PTPDC1: variants seen among roughly 807,000 people sequenced by gnomAD.
PTPDC1 encodes the protein protein tyrosine phosphatase domain containing 1.
In PTPDC1, 53 loss-of-function variants were observed where a neutral mutation model predicts 75.3. The ratio of observed to expected loss-of-function variants is 0.70; its 90% CI spans 0.56 to 0.88. PTPDC1 has a LOEUF of 0.88. Among genes scored for constraint, PTPDC1 ranks in the 40% least tolerant of loss-of-function variants. The pLI is 0.00. For synonymous variants in PTPDC1, 349 were observed against 366.2 expected, an observed-to-expected ratio of 0.95 and a Z score of 0.54; for missense variants, 925 against 998.6, an observed-to-expected ratio of 0.93 and a Z score of 0.99.
At chr9:94,102,259 A>T (rs895532782) in intron 7 of PTPDC1, among the ~76,000 whole-genome samples, 2 of 152,072 alleles carry the variant, frequency 1.3e-5, no homozygotes, top group Non-Finnish European at 2.9e-5. Context: ...ATATGCACTC[A>T]TTCGTATTTT....
chr9:94,079,380 T>A (rs769705642), intron 2 of PTPDC1, among the ~76,000 whole-genome samples: 7 of 152,210 alleles, frequency 4.6e-5, no homozygotes, highest in Non-Finnish European at 8.8e-5. Context: ...GCTGTTGGGT[T>A]CCACTAATTA....
chr9:94,102,804 C>T (rs1360353189), intron 7 of PTPDC1, among the ~76,000 whole-genome samples: 2 of 152,134 alleles, frequency 1.3e-5, no homozygotes, highest in East Asian at 3.9e-4. Context: ...TCTCAAACTC[C>T]CAACCTCATG....
At chr9:94,086,516 C>T (rs551215776) in intron 2 of PTPDC1, among the ~76,000 whole-genome samples, 1 of 152,240 alleles carries the variant, frequency 6.6e-6, no homozygotes, top group African/African-American at 2.4e-5. Context: ...GGATCCTGCC[C>T]TGACAGTCTC....
Position 94,097,599 on chromosome 9 carries a change from C to G in PTPDC1, c.1033C>G (p.Leu345Val). 6.2e-7 allele frequency: 1 copy of G among 1,613,988 alleles called. No individual in the cohort carries two copies. The highest frequency in any genetic ancestry group is 8.5e-7 in the Non-Finnish European group (1 of 1,180,032). ...LLKHVPKIIH[L>V]VCKLLLDLAE... ...GAAACACGTGCCAAAAATTATCCAC[C>G]TAGTTTGCAAATTGCTGCTGGACTT... is the stretch of plus-strand genomic sequence containing the variant. Residue 345 changes from leucine (L) to valine (V), a missense_variant, in exon 6 of 9, where the codon CTA becomes GTA. Physicochemically the swap from Leu to Val is conservative, Grantham distance 32 (BLOSUM62 1). Coordinates refer to ENST00000620992, the MANE Select transcript of PTPDC1 (RefSeq NM_001253829.2).
intron 4 of PTPDC1, among the ~76,000 whole-genome samples, chr9:94,093,579 G>A (rs997863736): frequency 4.0e-5 from 6 of 151,826 alleles, no homozygotes; most frequent in African/African-American, 4.8e-5. Context: ...TTGCCTTCTC[G>A]AGGAGTATCT....
intron 4 of PTPDC1, among the ~76,000 whole-genome samples, chr9:94,091,813 A>G (rs1187702518): frequency 6.6e-6 from 1 of 152,034 alleles, no homozygotes; most frequent in Non-Finnish European, 1.5e-5. Context: ...TAGTCTTGGG[A>G]GAGTTTATGT....
At chr9:94,030,907 C>A (rs1025953895) in exon 1 of PTPDC1, 2 of 152,200 alleles carry the variant, frequency 1.3e-5, no homozygotes, top group East Asian at 3.9e-4. Context: ...GGGCTGGGAC[C>A]CCTCTGCCTC....
At chr9:94,102,464 A>G (rs1474823647) in intron 7 of PTPDC1, among the ~76,000 whole-genome samples, 4 of 152,112 alleles carry the variant, frequency 2.6e-5, no homozygotes, top group African/African-American at 7.2e-5. Flanking sequence ...TTAGAAGACA[A>G]TGGATCTAGG....
Position 94,097,836 on chromosome 9 carries a change from G to A in PTPDC1, c.1270G>A (p.Asp424Asn). 6.2e-7 allele frequency: 1 copy of A among 1,614,158 alleles called. No individual in the cohort carries two copies. Among genetic ancestry groups the A allele is most frequent in the Non-Finnish European group, 8.5e-7 (1 of 1,180,042 alleles). ...GMIFSNEQQFDPLWKRRNVEC... is the reference protein window; with the variant it reads ...GMIFSNEQQFNPLWKRRNVEC... Reference sequence around the variant, plus strand: ...GATTTTCTCCAATGAGCAACAGTTTGACCCTCTTTGGAAAAGGCGGAATGT... The same window carrying A: ...GATTTTCTCCAATGAGCAACAGTTTAACCCTCTTTGGAAAAGGCGGAATGT... Residue 424 changes from aspartate to asparagine, a missense_variant, in exon 6 of 9, where the codon GAC becomes AAC. Asp to Asn is a conservative substitution (Grantham distance 23). Coordinates refer to ENST00000620992, the MANE Select transcript of PTPDC1 (RefSeq NM_001253829.2).
chr9:94,064,754 C>T lies in PTPDC1; in HGVS notation c.15C>T (p.Val5=), dbSNP rs750841827. The T allele has an allele frequency of 1.2e-5, 20 of 1,613,494 alleles. No homozygotes were observed. The East Asian group carries it at 4.5e-4, about 36-fold the overall frequency. ...AACAGACTACCATGGCTGCAGGAGT[C>T]TTGCCTCAGAATGAACAACCATATT... is the stretch of plus-strand genomic sequence containing the variant. The change falls in exon 2 of 10, where the codon GTC becomes GTT. Residue 5 remains valine, a synonymous_variant. Transcript: ENST00000375360.
chr9:94,057,499 T>C (rs1825980003), intron 1 of PTPDC1, among the ~76,000 whole-genome samples: 2 of 152,134 alleles, frequency 1.3e-5, no homozygotes, highest in Admixed American at 1.3e-4. Context: ...CAAAAAGATA[T>C]TGCGGATACT....
intron 1 of PTPDC1, among the ~76,000 whole-genome samples, chr9:94,048,826 T>A (rs62060601): frequency 6.6e-6 from 1 of 152,150 alleles, no homozygotes; most frequent in African/African-American, 2.4e-5. Context: ...CCCATTATTA[T>A]TGTGTGGGAG....
chr9:94,057,221 G>A (rs1202982228), intron 1 of PTPDC1, among the ~76,000 whole-genome samples: 2 of 152,100 alleles, frequency 1.3e-5, no homozygotes, highest in South Asian at 2.1e-4. Context: ...TGGGACTACA[G>A]ACATGTGCTA....
chr9:94,093,051 G>T (rs1424537322), intron 4 of PTPDC1, among the ~76,000 whole-genome samples: 6 of 152,158 alleles, frequency 3.9e-5, no homozygotes, highest in Non-Finnish European at 4.4e-5. Flanking sequence ...TTGCCAGTCT[G>T]TGTCTTTTAA....
chr9:94,087,578 G>C (rs1827120993), intron 2 of PTPDC1, among the ~76,000 whole-genome samples: 1 of 152,100 alleles, frequency 6.6e-6, no homozygotes, highest in South Asian at 2.1e-4. Flanking sequence ...ATTACATATG[G>C]GGAACAAACT....
chr9:94,072,136 T>C (rs1826530811), intron 2 of PTPDC1, among the ~76,000 whole-genome samples: 1 of 152,126 alleles, frequency 6.6e-6, no homozygotes, highest in Admixed American at 6.6e-5. Flanking sequence ...GCCTCCTGAG[T>C]AGCTGGGATT....
intron 1 of PTPDC1, among the ~76,000 whole-genome samples, chr9:94,052,299 T>A: frequency 6.6e-6 from 1 of 152,226 alleles, no homozygotes; most frequent in East Asian, 1.9e-4. Context: ...AGTTATTGAT[T>A]CAGTTTAATT....
At chr9:94,094,705 A>G (rs566868040) in intron 4 of PTPDC1, among the ~76,000 whole-genome samples, 1 of 152,144 alleles carries the variant, frequency 6.6e-6, no homozygotes, top group African/African-American at 2.4e-5. Context: ...TTGATCTCAG[A>G]CTGCTGTGCT....
intron 2 of PTPDC1, among the ~76,000 whole-genome samples, chr9:94,078,365 GAAGT>G (rs547660976): frequency 7.1e-4 from 108 of 152,300 alleles, no homozygotes; most frequent in African/African-American, 2.4e-3. Context: ...TTTCTGATGA[GAAGT>G]AAACTTAATC....
Sources: allele counts gnomAD v4.1 joint callset (sites outside exome capture counted in the v4.1 genomes callset), GRCh38; gene constraint gnomAD v4.1.1; transcripts MANE v1.5; gene names NCBI Gene and HGNC (gene_info 2026-07-23, HGNC 2026-07-21).